Variants in LSM12 observed in about 807,000 individuals in gnomAD.
LSM12 encodes protein LSM12.
For synonymous variants in LSM12, 74 were observed against 87.3 expected (o/e 0.85, Z 0.85); for missense variants, 108 against 238.9 (o/e 0.45, Z 3.61).
At chr17:44,046,977 G>A (rs1398963183) in intron 2 of LSM12, among the ~76,000 whole-genome samples, 20 of 151,442 alleles carry the variant, frequency 1.3e-4, no homozygotes, top group African/African-American at 4.6e-4. Flanking sequence ...TGATCCACCC[G>A]CCTCGACCTC....
intron 2 of LSM12, among the ~76,000 whole-genome samples, chr17:44,049,970 A>G (rs899560968): frequency 7.9e-5 from 12 of 152,214 alleles, no homozygotes; most frequent in Non-Finnish European, 2.9e-5. Flanking sequence ...GGAACTGCTT[A>G]TGACGCCTGC....
chr17:44,061,358 C>T (rs932644348), intron 2 of LSM12, among the ~76,000 whole-genome samples: 1 of 148,196 alleles, frequency 6.7e-6, no homozygotes, highest in Non-Finnish European at 1.5e-5. Context: ...AATTATTTAA[C>T]AAGTCTTAAA....
chr17:44,052,760 A>T (rs1213999394), intron 2 of LSM12, among the ~76,000 whole-genome samples: 1 of 150,752 alleles, frequency 6.6e-6, no homozygotes, highest in African/African-American at 2.4e-5. Flanking sequence ...ACTCTGTCTT[A>T]AAAAAAATAT....
At chr17:44,036,599 C>T (rs1038761007) in intron 4 of LSM12, among the ~76,000 whole-genome samples, 1 of 151,674 alleles carries the variant, frequency 6.6e-6, no homozygotes, top group South Asian at 2.1e-4. Context: ...CTCTTCTATA[C>T]CCAAGTACAA....
intron 2 of LSM12, among the ~76,000 whole-genome samples, chr17:44,051,265 C>T (rs1037242048): frequency 1.3e-5 from 2 of 151,944 alleles, no homozygotes; most frequent in Non-Finnish European, 2.9e-5. Context: ...GGCGTGATGG[C>T]GGGCACCTGT....
chr17:44,057,509 C>G (rs2049732996), intron 2 of LSM12, among the ~76,000 whole-genome samples: 1 of 151,224 alleles, frequency 6.6e-6, no homozygotes, highest in Non-Finnish European at 1.5e-5. Context: ...CGCCTGTAAT[C>G]CCAGCACTTT....
chr17:44,062,364 G>A (rs1254989635), intron 2 of LSM12, among the ~76,000 whole-genome samples: 2 of 152,086 alleles, frequency 1.3e-5, no homozygotes, highest in African/African-American at 4.8e-5. Context: ...TAACTGTGAA[G>A]GACAAGGTAC....
At chr17:44,063,031 T>TG (rs1219873430) in intron 2 of LSM12, among the ~76,000 whole-genome samples, 7 of 151,972 alleles carry the variant, frequency 4.6e-5, no homozygotes, top group African/African-American at 1.5e-4. Flanking sequence ...ATCGCGTCAC[T>TG]GCACTCCAGC....
rs930389196 is a variant in LSM12 at position 44,066,618 on chromosome 17, G to A, written c.-31C>T. 1 of 1,319,992 alleles carries A rather than the reference G, an allele frequency of 7.6e-7. No homozygotes were observed. The highest frequency in any genetic ancestry group is 9.7e-7 in the Non-Finnish European group (1 of 1,031,674). 81.8% of individuals were successfully genotyped at this position (1,319,992 alleles called of 1,614,324 possible). ...GAGTGCAGCCGCGGCCGGCGGCGGC[G>A]GCGGCAGCAGCGGGCGAAAGCCGGG... On this transcript the variant is annotated 5_prime_UTR_variant, in exon 1 of 5. Transcript: ENST00000293406.
rs762411981 is a variant in LSM12, at chr17:44,040,272, G to A, written c.259-16C>T. The A allele has an allele frequency of 1.3e-6, 2 of 1,586,464 alleles. No homozygotes were observed. Among genetic ancestry groups the A allele is most frequent in the East Asian group, 4.5e-5 (2 of 44,700 alleles). Reference sequence around the variant, plus strand: ...TGCTGGCAAGCTAGGGTGGAAGAGAGGAAAGAGACTCAGAATAGGATTCAT... The same window carrying A: ...TGCTGGCAAGCTAGGGTGGAAGAGAAGAAAGAGACTCAGAATAGGATTCAT... On this transcript the variant is annotated splice_polypyrimidine_tract_variant and intron_variant, in intron 2 of 4. Transcript: ENST00000293406.
At chr17:44,040,350 G>C (rs1284579300) in intron 2 of LSM12, 94 bp from the exon 3 acceptor site, 1 of 832,398 alleles carries the variant, frequency 1.2e-6, no homozygotes, top group Non-Finnish European at 1.9e-6. Flanking sequence ...GGCCAGGAAA[G>C]ACTTGTTTGG....
chr17:44,049,010 G>A (rs72822647), intron 2 of LSM12, among the ~76,000 whole-genome samples: 2,471 of 152,276 alleles, frequency 0.016, 18 homozygotes, highest in Middle Eastern at 0.027. Context: ...CCAACATTGT[G>A]AAACCCTGTC....
chr17:44,059,500 G>A (rs2049767235), intron 2 of LSM12, among the ~76,000 whole-genome samples: 1 of 151,984 alleles, frequency 6.6e-6, no homozygotes, highest in South Asian at 2.1e-4. Flanking sequence ...GCTGAGACAG[G>A]AGAATCGCTT....
chr17:44,037,181 A>G (rs544882993), intron 4 of LSM12: 2 of 397,892 alleles, frequency 5.0e-6, no homozygotes, highest in Admixed American at 4.5e-5. Context: ...TAATTCCAAA[A>G]AGCCAGCAAA....
At chr17:44,061,773 T>C (rs1380222349) in intron 2 of LSM12, among the ~76,000 whole-genome samples, 1 of 152,216 alleles carries the variant, frequency 6.6e-6, no homozygotes, top group African/African-American at 2.4e-5. Flanking sequence ...AGAGACTTAA[T>C]GAAAAGCACC....
chr17:44,052,286 G>A (rs2049655098), intron 2 of LSM12, among the ~76,000 whole-genome samples: 2 of 151,152 alleles, frequency 1.3e-5, no homozygotes, highest in Non-Finnish European at 2.9e-5. Context: ...AGCCCAGCCT[G>A]GGCAACACAG....
intron 1 of LSM12, among the ~76,000 whole-genome samples, 163 bp downstream of exon 1, chr17:44,066,301 G>T (rs978274297): frequency 2.0e-5 from 3 of 152,210 alleles, no homozygotes; most frequent in Non-Finnish European, 4.4e-5. Flanking sequence ...GGGCCCGCGG[G>T]AGGGGGAGGG....
intron 2 of LSM12, among the ~76,000 whole-genome samples, chr17:44,046,297 G>C (rs2049563346): frequency 6.6e-6 from 1 of 152,036 alleles, no homozygotes; most frequent in Non-Finnish European, 1.5e-5. Flanking sequence ...CTCTGTGTGT[G>C]GACATGTTTT....
chr17:44,046,811 A>ACCTCCG (rs2049575383), intron 2 of LSM12, among the ~76,000 whole-genome samples: 1 of 124,602 alleles, frequency 8.0e-6, no homozygotes, highest in African/African-American at 3.1e-5. Flanking sequence ...GCTCACTGCA[A>ACCTCCG]CCTCCGCCTC....
Sources: gnomAD v4.1 joint callset for allele counts (sites outside exome capture counted in the v4.1 genomes callset) on GRCh38, gnomAD v4.1.1 for gene constraint, MANE v1.5 for transcripts, NCBI Gene and HGNC (gene_info 2026-07-23, HGNC 2026-07-21) for gene names.